RNF111: variants seen among roughly 807,000 people sequenced by gnomAD.
RNF111 encodes the protein E3 ubiquitin-protein ligase Arkadia.
A neutral mutation model predicts 95.1 loss-of-function variants in RNF111; 17 were observed. The ratio of observed to expected loss-of-function variants is 0.18; its 90% CI spans 0.12 to 0.27. The LOEUF (loss-of-function observed/expected upper bound fraction) is 0.27. RNF111 is among the 10% of genes least tolerant of loss of function. The probability of loss-of-function intolerance (pLI) is 1.00; values close to 1 mark genes in which losing one functional copy is unlikely to be tolerated. For missense variants in RNF111, 1,189 were observed against 1,210.4 expected, an observed-to-expected ratio of 0.98 and a Z score of 0.26; for synonymous variants, 440 against 414.8, an observed-to-expected ratio of 1.06 and a Z score of -0.74.
At chr15:59,029,097 G>A (rs761363239) in intron 1 of RNF111, among the ~76,000 whole-genome samples, 54 of 151,980 alleles carry the variant, frequency 3.6e-4, no homozygotes, top group Admixed American at 3.9e-4. Context: ...AATTTTTGAG[G>A]ATCTGCTAGA....
At chr15:59,032,605 A>G (rs1194412829) in intron 2 of RNF111, among the ~76,000 whole-genome samples, 3 of 152,124 alleles carry the variant, frequency 2.0e-5, no homozygotes, top group Admixed American at 6.6e-5. Flanking sequence ...TATTTTTTGT[A>G]GAGATGGGTT....
intron 2 of RNF111, among the ~76,000 whole-genome samples, chr15:59,047,577 A>C (rs2041772840): frequency 6.6e-6 from 1 of 151,818 alleles, no homozygotes; most frequent in South Asian, 2.1e-4. Context: ...TGTTTTTTTT[A>C]ATTATTATTA....
chr15:59,010,856 A>G (rs1596069081), intron 1 of RNF111, among the ~76,000 whole-genome samples: 1 of 152,222 alleles, frequency 6.6e-6, no homozygotes, highest in Non-Finnish European at 1.5e-5. Context: ...TTTAGGTCTA[A>G]TACAGTAGAT....
intron 2 of RNF111, among the ~76,000 whole-genome samples, chr15:59,032,794 G>A (rs532940251): frequency 5.2e-4 from 79 of 152,234 alleles, no homozygotes; most frequent in Non-Finnish European, 1.0e-3. Flanking sequence ...GAGACTTTTA[G>A]TCTCGACAGT....
intron 1 of RNF111, among the ~76,000 whole-genome samples, chr15:58,989,252 G>T (rs1596000501): frequency 6.6e-6 from 1 of 152,188 alleles, no homozygotes; most frequent in South Asian, 2.1e-4. Context: ...TTTGTGAGGT[G>T]AAACAGATGG....
intron 1 of RNF111, among the ~76,000 whole-genome samples, chr15:59,014,303 G>C (rs2039966908): frequency 6.6e-6 from 1 of 152,242 alleles, no homozygotes; most frequent in African/African-American, 2.4e-5. Context: ...GTTTTGCCAA[G>C]AAACCTTTGT....
At chr15:58,993,573 C>T (rs1247251106) in intron 1 of RNF111, among the ~76,000 whole-genome samples, 3 of 152,108 alleles carry the variant, frequency 2.0e-5, no homozygotes, top group Non-Finnish European at 4.4e-5. Context: ...AGTGTCTGTT[C>T]CCTTCCACGC....
intron 2 of RNF111, among the ~76,000 whole-genome samples, chr15:59,037,473 AAC>A (rs1304013344): frequency 6.6e-6 from 1 of 152,218 alleles, no homozygotes; most frequent in East Asian, 1.9e-4. Context: ...GACATTTAAT[AAC>A]ACAAAAACCT....
intron 1 of RNF111, among the ~76,000 whole-genome samples, chr15:59,005,955 T>C (rs1446606145): frequency 6.6e-6 from 1 of 152,182 alleles, no homozygotes; most frequent in East Asian, 1.9e-4. Context: ...GATGTGGAGA[T>C]TTAAATCAAT....
At chr15:59,092,744 A>G in intron 13 of RNF111, 104 bp downstream of exon 13, 2 of 1,204,158 alleles carry the variant, frequency 1.7e-6, no homozygotes, top group Non-Finnish European at 2.2e-6. Context: ...GTGTAATTCC[A>G]GCACTTTTTG....
At chr15:59,090,237 T>C (rs1306093596) in intron 11 of RNF111, among the ~76,000 whole-genome samples, 1 of 152,022 alleles carries the variant, frequency 6.6e-6, no homozygotes, top group Non-Finnish European at 1.5e-5. Flanking sequence ...TGTTTGTTGT[T>C]GTTGTTTTTT....
chr15:59,005,390 TA>T (rs1271197696), intron 1 of RNF111, among the ~76,000 whole-genome samples: 1 of 152,238 alleles, frequency 6.6e-6, no homozygotes, highest in Non-Finnish European at 1.5e-5. Context: ...ATATGTAGAG[TA>T]AAAACAAATT....
At chr15:59,080,370 C>T (rs578046795) in intron 7 of RNF111, among the ~76,000 whole-genome samples, 13 of 152,246 alleles carry the variant, frequency 8.5e-5, no homozygotes, top group African/African-American at 3.1e-4. Flanking sequence ...ACTCTGCCCA[C>T]CTTGGCCTCC....
chr15:59,052,482 A>G lies in RNF111; in HGVS notation c.1007+51A>G, dbSNP rs1030110310. ...GTTTGAAATATTAAATATAAATATT[A>G]AACATATTTGTGCTGCAGATATTTG... On this transcript the variant is annotated intron_variant, in intron 3 of 13. Transcript: ENST00000348370. 1.3e-5 allele frequency: 17 copies of G among 1,321,466 alleles called. No individual in the cohort carries two copies. The East Asian group carries it at 4.6e-4, about 36-fold the overall frequency. The allele number at this position is 1,321,466 out of a possible 1,614,324, so 81.9% of individuals were successfully genotyped here.
At chr15:59,092,758 C>G in intron 13 of RNF111, 118 bp downstream of exon 13, 5 of 1,014,660 alleles carry the variant, frequency 4.9e-6, no homozygotes, top group Non-Finnish European at 5.5e-6. Context: ...CTTTTTGAGG[C>G]CAAGGCCAGA....
intron 6 of RNF111, among the ~76,000 whole-genome samples, chr15:59,070,897 C>G (rs985791326): frequency 4.6e-5 from 7 of 152,182 alleles, no homozygotes; most frequent in African/African-American, 1.4e-4. Flanking sequence ...CAGTATTGCA[C>G]AGTTGCTGTA....
chr15:59,089,136 T>G (rs1435100571), intron 10 of RNF111, among the ~76,000 whole-genome samples: 1 of 152,116 alleles, frequency 6.6e-6, no homozygotes, highest in East Asian at 1.9e-4. Flanking sequence ...AAGTGTTGAT[T>G]ATGGGGTTAC....
intron 1 of RNF111, among the ~76,000 whole-genome samples, chr15:59,029,360 G>T (rs2040795646): frequency 6.6e-6 from 1 of 152,122 alleles, no homozygotes; most frequent in Non-Finnish European, 1.5e-5. Context: ...TCATTGCCAT[G>T]CTCATGTTCA....
At chr15:59,090,244 T>C (rs544557881) in intron 11 of RNF111, among the ~76,000 whole-genome samples, 5 of 150,972 alleles carry the variant, frequency 3.3e-5, no homozygotes, top group African/African-American at 1.2e-4. Context: ...TGTTGTTGTT[T>C]TTTTAGATGG....
Sources: gnomAD v4.1 joint callset for allele counts (sites outside exome capture counted in the v4.1 genomes callset) on GRCh38, gnomAD v4.1.1 for gene constraint, MANE v1.5 for transcripts, NCBI Gene and HGNC (gene_info 2026-07-23, HGNC 2026-07-21) for gene names.